HTR3C: variants seen among roughly 807,000 people sequenced by gnomAD.
HTR3C encodes 5-HT3-C.
A neutral mutation model predicts 40.5 loss-of-function variants in HTR3C; 32 were observed. That is an observed-to-expected ratio of 0.79 (90% CI 0.60 to 1.06). The LOEUF (loss-of-function observed/expected upper bound fraction) is 1.06. HTR3C is among the 50% of genes least tolerant of loss of function. HTR3C has a pLI of 0.00. For synonymous variants in HTR3C, 209 were observed against 217.1 expected (o/e 0.96, Z 0.33); for missense variants, 523 against 556.8 (o/e 0.94, Z 0.61).
Position 184,060,435 on chromosome 3 carries a change from G to A in HTR3C, c.*83G>A. 2 of 1,548,890 alleles carry A rather than the reference G, an allele frequency of 1.3e-6. No individual in the cohort carries two copies. Among genetic ancestry groups the A allele is most frequent in the South Asian group, 1.1e-5 (1 of 88,690 alleles). ...AGCCGGACTCATTTTCCTAATCTTA[G>A]CCACTTATCCCCAGTGACTACCATG... On this transcript the variant is annotated 3_prime_UTR_variant, in exon 9 of 9. Coordinates refer to ENST00000318351, the MANE Select transcript of HTR3C (RefSeq NM_130770.3).
At chr3:184,055,082 C>T (rs114349857) in intron 2 of HTR3C, among the ~76,000 whole-genome samples, 195 bp downstream of exon 2, 5 of 152,294 alleles carry the variant, frequency 3.3e-5, no homozygotes, top group Non-Finnish European at 7.4e-5. Context: ...TTCAGGAAGG[C>T]ATTTGTCTTT....
At chr3:184,059,798 T>G (rs773815216) in intron 7 of HTR3C, 30 bp from the exon 8 acceptor site, 2 of 1,611,422 alleles carry the variant, frequency 1.2e-6, no homozygotes, top group East Asian at 4.5e-5. Context: ...TAAATTTGCC[T>G]GGTTTATTTA....
intron 6 of HTR3C, 41 bp downstream of exon 6, chr3:184,058,628 C>T: frequency 1.9e-6 from 3 of 1,589,442 alleles, no homozygotes; most frequent in Non-Finnish European, 2.6e-6. Context: ...ATCCCAGCAG[C>T]TCTTTGATTG....
chr3:184,059,587 T>C lies in HTR3C; in HGVS notation c.872T>C (p.Val291Ala). ...FKITLLLGYNVFLLMMNDLLP... is the reference protein window; with the variant it reads ...FKITLLLGYNAFLLMMNDLLP... The stretch of plus-strand genomic sequence containing the variant: ...ATAACACTTCTGCTGGGCTACAACG[T>C]CTTCCTGCTCATGATGAATGACTTG... Residue 291 changes from valine (V) to alanine (A), a missense_variant, in exon 7 of 9, where the codon GTC (valine) becomes GCC (alanine). Transcript: ENST00000318351. 6.2e-7 allele frequency: 1 copy of C among 1,613,984 alleles called. No individual in the cohort carries two copies. The highest frequency in any genetic ancestry group is 8.5e-7 in the Non-Finnish European group (1 of 1,179,956).
At position 184,058,678 on chromosome 3, in the gene HTR3C, C is replaced by T. The variant is rs1576989069; in HGVS notation, c.720+91C>T. On this transcript the variant is annotated intron_variant, in intron 6 of 8. Coordinates refer to ENST00000318351, the MANE Select transcript of HTR3C (RefSeq NM_130770.3). ...GGCTCTTTGGGAAGCAAAAAAGAAG[C>T]TCCAGGCCGGGTGCAGTGGCTCACA... 1.1e-5 allele frequency: 16 copies of T among 1,474,326 alleles called. No individual in the cohort carries two copies. In the East Asian group the frequency reaches 2.4e-4, roughly 22 times the overall value. 91.3% of individuals were successfully genotyped at this position (1,474,326 alleles called of 1,614,324 possible).
intron 1 of HTR3C, among the ~76,000 whole-genome samples, chr3:184,053,995 C>T (rs779924715): frequency 1.3e-5 from 2 of 151,902 alleles, no homozygotes; most frequent in East Asian, 1.9e-4. Context: ...CCTTGTGATC[C>T]GCCCACCTCG....
Position 184,053,090 on chromosome 3 carries a change from G to C in HTR3C, c.10G>C (p.Gly4Arg), listed in dbSNP as rs1308731548. Residue 4 changes from glycine (G) to arginine (R), a missense_variant, in exon 1 of 9, where the codon GGG becomes CGG. Gly to Arg is a moderately radical substitution (Grantham distance 125, BLOSUM62 -2). Transcript: ENST00000318351. ...GAGTCCAGAAAGAAGAATGGAAGGA[G>C]GGTGGCCTGCAAGGCAGAGTGCCCT... Reference protein sequence around the residue: MEGGWPARQSALLC... With the variant: MEGRWPARQSALLC... The C allele has an allele frequency of 1.9e-6, 3 of 1,613,536 alleles. No individual in the cohort carries two copies. Among genetic ancestry groups the C allele is most frequent in the Non-Finnish European group, 2.5e-6 (3 of 1,179,490 alleles).
At position 184,059,541 on chromosome 3, in the gene HTR3C, G is replaced by A. The variant is rs775611831; in HGVS notation, c.826G>A (p.Glu276Lys). Reference sequence around the variant, plus strand: ...CAGCTTCTACCTGCCAGCAGAGAGCGAGAATCGTGCCCCATTCAAGATAAC... The same window carrying A: ...CAGCTTCTACCTGCCAGCAGAGAGCAAGAATCGTGCCCCATTCAAGATAAC... The part of the protein sequence containing the change: ...ALSFYLPAES[E>K]NRAPFKITLL... Residue 276 changes from glutamate to lysine, a missense_variant, in exon 7 of 9, where the codon GAG becomes AAG. Coordinates refer to ENST00000318351, the MANE Select transcript of HTR3C (RefSeq NM_130770.3). 1.5e-5 allele frequency: 24 copies of A among 1,614,134 alleles called. No individual in the cohort carries two copies. The East Asian group carries it at 3.6e-4, about 24-fold the overall frequency.
At chr3:184,058,885 GA>G (rs1414384472) in intron 6 of HTR3C, among the ~76,000 whole-genome samples, 4 of 152,176 alleles carry the variant, frequency 2.6e-5, no homozygotes, top group Admixed American at 2.6e-4. Context: ...AGAATCACTT[GA>G]ACCCAGGAGG....
intron 5 of HTR3C, 23 bp downstream of exon 5, chr3:184,057,067 G>C: frequency 6.6e-7 from 1 of 1,526,390 alleles, no homozygotes; most frequent in Non-Finnish European, 8.8e-7. Flanking sequence ...CATTTTGGTA[G>C]CTGTTTAAGA....
At chr3:184,056,372 A>G in intron 4 of HTR3C, 86 bp downstream of exon 4, 1 of 844,998 alleles carries the variant, frequency 1.2e-6, no homozygotes, top group Non-Finnish European at 2.0e-6. Flanking sequence ...GGCCACCGAA[A>G]GATTCAGACA....
At position 184,054,827 on chromosome 3, in the gene HTR3C, C is replaced by T; in HGVS notation, c.174C>T (p.Thr58=). 7 of 1,613,922 alleles carry T rather than the reference C, an allele frequency of 4.3e-6. No individual in the cohort carries two copies. The highest frequency in any genetic ancestry group is 5.9e-6 in the Non-Finnish European group (7 of 1,179,850). The change falls in exon 2 of 9, where the codon ACC becomes ACT. Residue 58 remains threonine (T), a synonymous_variant. Transcript: ENST00000318351. The part of the protein sequence containing the change: ...VFDRKAFRPF[T]NYSIPTRVNI... The stretch of plus-strand genomic sequence containing the variant: ...ACAGAAAGGCCTTCCGTCCATTCAC[C>T]AACTACAGCATCCCTACCCGTGTCA...
In HTR3C at chr3:184,059,515, T is replaced by G. The variant is rs1352854784; in HGVS notation, c.800T>G (p.Leu267Arg). 1 of 1,614,160 alleles carries G rather than the reference T, an allele frequency of 6.2e-7. No homozygotes were observed. Residue 267 changes from leucine to arginine, a missense_variant, in exon 7 of 9, where the codon CTC (leucine) becomes CGC (arginine). Coordinates refer to ENST00000318351, the MANE Select transcript of HTR3C (RefSeq NM_130770.3). ...PSSFLVAIDA[L>R]SFYLPAESEN... ...AGCTTTCTGGTTGCCATTGATGCCC[T>G]CAGCTTCTACCTGCCAGCAGAGAGC...
chr3:184,059,889 T>C lies in HTR3C; in HGVS notation c.987T>C (p.Ile329=), dbSNP rs549109685. 4.3e-5 allele frequency: 69 copies of C among 1,613,958 alleles called. No individual in the cohort carries two copies. The highest frequency in any genetic ancestry group is 1.7e-4 in the Middle Eastern group (1 of 5,974). ...TCAGCCTGCTGGAGACCGTCTTCAT[T>C]ACCTACCTGCTGCACGTGGCCACCA... ...MVVSLLETVF[I]TYLLHVATTQ... The change falls in exon 8 of 9, where the codon ATT becomes ATC. Residue 329 remains isoleucine, a synonymous_variant. Coordinates refer to ENST00000318351, the MANE Select transcript of HTR3C (RefSeq NM_130770.3).
rs372312615 is a variant in HTR3C at position 184,056,142 on chromosome 3, G to A, written c.280-35G>A. ...GAGAGGCCGACAGGACAAGCTCACC[G>A]TCACTCACCTCTGTCCCTCACTGCC... On this transcript the variant is annotated intron_variant, in intron 3 of 8. Transcript: ENST00000318351. 145 of 1,380,894 alleles carry A rather than the reference G, an allele frequency of 1.1e-4. No individual in the cohort carries two copies. In the African/African-American group the frequency reaches 1.5e-3, roughly 14 times the overall value. The allele number at this position is 1,380,894 out of a possible 1,614,324, so 85.5% of individuals were successfully genotyped here.
intron 4 of HTR3C, among the ~76,000 whole-genome samples, chr3:184,056,506 G>A (rs1419282781): frequency 6.6e-6 from 1 of 152,156 alleles, no homozygotes; most frequent in African/African-American, 2.4e-5. Context: ...CAGCACTTTG[G>A]GAGGCCGAGG....
chr3:184,056,567 T>G (rs1723330612), intron 4 of HTR3C, among the ~76,000 whole-genome samples: 1 of 152,092 alleles, frequency 6.6e-6, no homozygotes, highest in African/African-American at 2.4e-5. Context: ...GCCAACATGG[T>G]GAAACCCCCA....
chr3:184,055,312 G>A lies in HTR3C; in HGVS notation c.235G>A (p.Asp79Asn), dbSNP rs558472634. ...TCCTGAGTGGAAATTTCCTTGTCAG[G>A]ATGCACAGCTCCAGCTGCTGACATC... ...SFTLSAILGV[D>N]AQLQLLTSFL... Residue 79 changes from aspartate to asparagine, a missense_variant and splice_region_variant, in exon 3 of 9, where the codon GAT becomes AAT. By Grantham distance (23) the Asp-to-Asn change is conservative (BLOSUM62 1). Coordinates refer to ENST00000318351, the MANE Select transcript of HTR3C (RefSeq NM_130770.3). 1 of 1,608,482 alleles carries A rather than the reference G, an allele frequency of 6.2e-7. No individual in the cohort carries two copies. The highest frequency in any genetic ancestry group is 1.1e-5 in the South Asian group (1 of 90,968).
intron 5 of HTR3C, 24 bp downstream of exon 5, chr3:184,057,068 C>A: frequency 6.6e-7 from 1 of 1,517,342 alleles, no homozygotes; most frequent in South Asian, 1.2e-5. Context: ...ATTTTGGTAG[C>A]TGTTTAAGAT....
Sources: allele counts gnomAD v4.1 joint callset (sites outside exome capture counted in the v4.1 genomes callset), GRCh38; gene constraint gnomAD v4.1.1; transcripts MANE v1.5; gene names NCBI Gene and HGNC (gene_info 2026-07-23, HGNC 2026-07-21).